Variants in SHANK2 observed in about 807,000 individuals in gnomAD.
SHANK2 encodes SH3 and multiple ankyrin repeat domains 2.
Under a neutral mutation model 133.7 loss-of-function variants are expected in SHANK2, and 43 were observed. That is an observed-to-expected ratio of 0.32 (90% CI 0.25 to 0.41). SHANK2 has a LOEUF of 0.41. Among genes scored for constraint, SHANK2 ranks in the 10% least tolerant of loss-of-function variants. The pLI is 1.00. For missense variants in SHANK2, 1,994 were observed against 2,235.8 expected (o/e 0.89, Z 2.18); for synonymous variants, 1,017 against 952.8 (o/e 1.07, Z -1.24).
intron 14 of SHANK2, among the ~76,000 whole-genome samples, chr11:70,740,098 T>C: frequency 6.7e-6 from 1 of 150,040 alleles, no homozygotes; most frequent in Non-Finnish European, 1.5e-5. Context: ...CAGGTGCTCA[T>C]GGCTCCGTCC....
intron 17 of SHANK2, among the ~76,000 whole-genome samples, chr11:70,591,403 A>G (rs1366576117): frequency 6.6e-6 from 1 of 152,150 alleles, no homozygotes; most frequent in African/African-American, 2.4e-5. Context: ...AAGAAGGTAG[A>G]AAAGAAAGAA....
At chr11:70,584,291 C>G (rs1277362226) in intron 17 of SHANK2, among the ~76,000 whole-genome samples, 2 of 152,164 alleles carry the variant, frequency 1.3e-5, no homozygotes, top group Non-Finnish European at 2.9e-5. Flanking sequence ...GTGTTCCGAT[C>G]CCGTGTGACA....
chr11:70,662,390 G>A (rs1555013728), intron 15 of SHANK2, among the ~76,000 whole-genome samples: 1 of 152,154 alleles, frequency 6.6e-6, no homozygotes, highest in African/African-American at 2.4e-5. Context: ...CATCCCGCGC[G>A]AGCATCCGCA....
chr11:71,193,687 G>A (rs1266421366), intron 2 of SHANK2, among the ~76,000 whole-genome samples: 1 of 152,174 alleles, frequency 6.6e-6, no homozygotes, highest in East Asian at 1.9e-4. Context: ...GGGCTGCTAT[G>A]GCAAAGTGCA....
chr11:70,946,197 T>C (rs1590861472), intron 10 of SHANK2, among the ~76,000 whole-genome samples: 2 of 113,340 alleles, frequency 1.8e-5, no homozygotes, highest in African/African-American at 6.9e-5. Context: ...AGGCTCAACC[T>C]CCCTCTCCGC....
At chr11:70,700,110 T>G (rs1473444243) in intron 14 of SHANK2, among the ~76,000 whole-genome samples, 1 of 152,128 alleles carries the variant, frequency 6.6e-6, no homozygotes, top group Non-Finnish European at 1.5e-5. Flanking sequence ...TTTGACACAG[T>G]GGCTAAGTCT....
intron 14 of SHANK2, among the ~76,000 whole-genome samples, chr11:70,712,139 G>A (rs999495955): frequency 5.9e-5 from 9 of 152,176 alleles, no homozygotes; most frequent in African/African-American, 1.2e-4. Flanking sequence ...CAGAGGCTGC[G>A]GTGTTCCTCG....
chr11:71,163,589 T>C (rs782162415), intron 2 of SHANK2, among the ~76,000 whole-genome samples: 24 of 152,162 alleles, frequency 1.6e-4, no homozygotes, highest in South Asian at 4.1e-4. Flanking sequence ...CCTTATCTGA[T>C]AGATAAGGAG....
chr11:70,886,232 C>CTG (rs1949743461), intron 11 of SHANK2, among the ~76,000 whole-genome samples: 2 of 152,224 alleles, frequency 1.3e-5, no homozygotes, highest in South Asian at 4.1e-4. Context: ...CTTGAAACTG[C>CTG]TGTGTCTGTT....
chr11:70,714,702 G>A (rs1375204216), intron 14 of SHANK2, among the ~76,000 whole-genome samples: 1 of 152,094 alleles, frequency 6.6e-6, no homozygotes, highest in African/African-American at 2.4e-5. Context: ...GGTCCTCCTG[G>A]CTCTGAGAGT....
intron 17 of SHANK2, among the ~76,000 whole-genome samples, chr11:70,555,663 C>T (rs2059819658): frequency 1.3e-5 from 2 of 152,190 alleles, no homozygotes; most frequent in Admixed American, 6.5e-5. Flanking sequence ...GGGTTTGAGG[C>T]TGCAGTGAGC....
At chr11:70,689,881 A>G (rs1294887843) in intron 15 of SHANK2, among the ~76,000 whole-genome samples, 10 of 152,246 alleles carry the variant, frequency 6.6e-5, no homozygotes, top group African/African-American at 2.4e-4. Context: ...AACAGAGGAC[A>G]AGTCAGCAAG....
At chr11:71,100,631 C>G (rs138340257) in intron 6 of SHANK2, among the ~76,000 whole-genome samples, 1 of 152,078 alleles carries the variant, frequency 6.6e-6, no homozygotes. Context: ...CACATTGGGA[C>G]GCCAAGGCGG....
intron 17 of SHANK2, among the ~76,000 whole-genome samples, chr11:70,563,667 T>C (rs1214680268): frequency 3.3e-5 from 5 of 151,788 alleles, no homozygotes; most frequent in African/African-American, 1.2e-4. Context: ...GCCTCCTGAG[T>C]AGTTGGCATT....
chr11:70,488,060 G>A (rs1285466368), intron 24 of SHANK2, among the ~76,000 whole-genome samples: 3 of 152,212 alleles, frequency 2.0e-5, no homozygotes, highest in Non-Finnish European at 4.4e-5. Context: ...CAAGTGGGCA[G>A]CTCGCCTTGG....
intron 2 of SHANK2, chr11:71,174,856 GA>G: frequency 6.6e-6 from 1 of 151,972 alleles, no homozygotes; most frequent in African/African-American, 2.4e-5. Context: ...TGTCTCAAAA[GA>G]AAAAAAAGAA....
chr11:70,494,845 G>C (rs1467662084), intron 21 of SHANK2, among the ~76,000 whole-genome samples: 1 of 152,160 alleles, frequency 6.6e-6, no homozygotes, highest in Non-Finnish European at 1.5e-5. Context: ...TCATGACCAA[G>C]TCCAGCTGAC....
intron 14 of SHANK2, among the ~76,000 whole-genome samples, chr11:70,717,782 G>A (rs1202403621): frequency 6.6e-6 from 1 of 151,506 alleles, no homozygotes; most frequent in Non-Finnish European, 1.5e-5. Context: ...CCGTGGGGCG[G>A]CCTCATCTAC....
intron 17 of SHANK2, among the ~76,000 whole-genome samples, chr11:70,525,655 C>T (rs1405302193): frequency 1.3e-5 from 2 of 152,084 alleles, no homozygotes; most frequent in East Asian, 1.9e-4. Context: ...CACCTCCCAA[C>T]GCCAGGGGAA....
Sources: allele counts gnomAD v4.1 joint callset (sites outside exome capture counted in the v4.1 genomes callset), GRCh38; gene constraint gnomAD v4.1.1; transcripts MANE v1.5; gene names NCBI Gene and HGNC (gene_info 2026-07-23, HGNC 2026-07-21).